The following USP37 variants were observed in gnomAD, a reference collection of about 807,000 sequenced individuals.
USP37 encodes ubiquitin specific peptidase 37, also known as ubiquitin carboxyl-terminal hydrolase 37.
Under a neutral mutation model 124.0 loss-of-function variants are expected in USP37, and 27 were observed. The observed-to-expected ratio is 0.22, with a 90% CI of 0.16 to 0.30. The LOEUF (loss-of-function observed/expected upper bound fraction) is 0.30. USP37 is among the 10% of genes least tolerant of loss of function. The pLI is 1.00. For missense variants in USP37, 889 were observed against 1,140.4 expected (o/e 0.78, Z 3.17); for synonymous variants, 365 against 388.0 (o/e 0.94, Z 0.70).
chr2:218,554,639 C>A (rs548727148), intron 4 of USP37, among the ~76,000 whole-genome samples: 42 of 151,182 alleles, frequency 2.8e-4, no homozygotes, highest in Non-Finnish European at 4.6e-4. Flanking sequence ...CCCAACTACT[C>A]GGGAGGCTGA....
chr2:218,457,852 C>G (rs1689774391), intron 23 of USP37, among the ~76,000 whole-genome samples: 1 of 151,578 alleles, frequency 6.6e-6, no homozygotes, highest in Non-Finnish European at 1.5e-5. Context: ...TTGAGACCAT[C>G]CTGCCTAACA....
At chr2:218,525,754 G>A (rs1418173321) in intron 10 of USP37, among the ~76,000 whole-genome samples, 2 of 152,030 alleles carry the variant, frequency 1.3e-5, no homozygotes, top group South Asian at 4.1e-4. Flanking sequence ...AGGTAAACTC[G>A]TGGCATGGGG....
intron 14 of USP37, among the ~76,000 whole-genome samples, chr2:218,495,550 G>A (rs186687840): frequency 1.3e-5 from 2 of 152,330 alleles, no homozygotes; most frequent in East Asian, 3.9e-4. Flanking sequence ...TCATTACTCG[G>A]GAGGCTGAGG....
intron 21 of USP37, among the ~76,000 whole-genome samples, chr2:218,464,542 T>C (rs983779300): frequency 2.6e-5 from 4 of 152,146 alleles, no homozygotes; most frequent in Admixed American, 2.6e-4. Flanking sequence ...CCAGCTTAGA[T>C]TTCTTAATCT....
intron 4 of USP37, among the ~76,000 whole-genome samples, chr2:218,556,515 T>TG (rs1421258282): frequency 7.5e-6 from 1 of 133,750 alleles, no homozygotes; most frequent in Non-Finnish European, 1.6e-5. Context: ...TTTTTTTTTT[T>TG]TTTTTTTTTT....
chr2:218,496,797 C>G (rs13403595), intron 13 of USP37, among the ~76,000 whole-genome samples: 1 of 151,744 alleles, frequency 6.6e-6, no homozygotes, highest in Non-Finnish European at 1.5e-5. Flanking sequence ...TACAGACATG[C>G]GACATCACGC....
At chr2:218,525,833 C>T (rs1434559912) in intron 10 of USP37, among the ~76,000 whole-genome samples, 1 of 152,084 alleles carries the variant, frequency 6.6e-6, no homozygotes, top group East Asian at 1.9e-4. Flanking sequence ...TTCCCCAATC[C>T]TCTCCCTCCT....
intron 11 of USP37, among the ~76,000 whole-genome samples, chr2:218,502,879 T>C (rs950089787): frequency 1.3e-5 from 2 of 152,132 alleles, no homozygotes; most frequent in African/African-American, 2.4e-5. Context: ...AGAAAAAATT[T>C]TGAATATGCA....
chr2:218,482,736 A>C (rs772749519), intron 16 of USP37, among the ~76,000 whole-genome samples: 4 of 152,182 alleles, frequency 2.6e-5, no homozygotes, highest in Non-Finnish European at 5.9e-5. Context: ...AAAGCTAAGG[A>C]GGAAATACAA....
chr2:218,543,529 C>T lies in USP37; in HGVS notation c.680+2692G>A, dbSNP rs573422732. Among the ~76,000 whole-genome samples, 25 of 62,812 alleles carry T rather than the reference C, an allele frequency of 4.0e-4. No homozygotes were observed. The East Asian group carries it at 0.011, about 29-fold the overall frequency. The allele number at this position is 62,812 out of a possible 152,430, so 41.2% of individuals were successfully genotyped here. On this transcript the variant is annotated intron_variant, in intron 8 of 25. Transcript: ENST00000258399. ...AAAAAAAAAAAAAAAAAAAAAAAAA[C>T]AGGACAGGCGTGGTGGCTCATGCCT...
intron 11 of USP37, among the ~76,000 whole-genome samples, chr2:218,505,801 A>G (rs903534730): frequency 2.0e-5 from 3 of 152,072 alleles, no homozygotes; most frequent in African/African-American, 7.2e-5. Context: ...AGAGCTGGAA[A>G]GCTCTTTCAA....
At chr2:218,530,636 A>C (rs534708910) in intron 9 of USP37, among the ~76,000 whole-genome samples, 75 of 152,334 alleles carry the variant, frequency 4.9e-4, no homozygotes, top group Admixed American at 2.8e-3. Context: ...CTTTTAAATA[A>C]AAATCTAGCA....
At chr2:218,477,013 T>C (rs750595882) in intron 18 of USP37, 32 bp from the exon 19 acceptor site, 7 of 1,478,594 alleles carry the variant, frequency 4.7e-6, no homozygotes, top group Non-Finnish European at 5.4e-6. Flanking sequence ...AAAAGCCTGA[T>C]AAACATTTGT....
chr2:218,470,802 C>G (rs1391388782), intron 20 of USP37, among the ~76,000 whole-genome samples: 1 of 152,166 alleles, frequency 6.6e-6, no homozygotes, highest in Non-Finnish European at 1.5e-5. Context: ...CACAAAACAG[C>G]CCAACTGTTA....
rs144122429 is a variant in USP37 at position 218,490,089 on chromosome 2, C to T, written c.1473-1668G>A. On this transcript the variant is annotated intron_variant, in intron 14 of 25. Transcript: ENST00000258399. ...ATGTTTGGCCAGGCACAATGGCTCA[C>T]GCCTGTAATCCCAGCACTTTGGGAG... Among the ~76,000 whole-genome samples the T allele has an allele frequency of 5.4e-4, 82 of 152,252 alleles. No homozygotes were observed. The East Asian group carries it at 0.011, about 21-fold the overall frequency.
In USP37 at chr2:218,544,424, T is replaced by TAGAGAGAGAG. The variant is rs763870747; in HGVS notation, c.680+1796_680+1797insCTCTCTCTCT. On this transcript the variant is annotated intron_variant, in intron 8 of 25. Transcript: ENST00000258399. ...AAAAAAAAATATATATATATATATATATATATAGAGAGAGAGAGAGAGAGA... is the reference window on the plus strand; with the variant it reads ...AAAAAAAAATATATATATATATATATAGAGAGAGAGATATATAGAGAGAGAGAGAGAGAGA... Among the ~76,000 whole-genome samples the TAGAGAGAGAG allele has an allele frequency of 1.2e-3, 69 of 57,176 alleles. No individual in the cohort carries two copies. In the East Asian group the frequency reaches 0.023, roughly 19 times the overall value. The allele number at this position is 57,176 out of a possible 152,430, so 37.5% of individuals were successfully genotyped here.
chr2:218,515,331 A>T (rs1690218226), intron 10 of USP37, among the ~76,000 whole-genome samples: 1 of 152,154 alleles, frequency 6.6e-6, no homozygotes, highest in South Asian at 2.1e-4. Flanking sequence ...ACAGCATCGC[A>T]CTGGTACCAA....
At chr2:218,484,723 AG>A (rs1185769034) in intron 16 of USP37, among the ~76,000 whole-genome samples, 1 of 152,078 alleles carries the variant, frequency 6.6e-6, no homozygotes, top group Non-Finnish European at 1.5e-5. Context: ...ACTAGTCTCT[AG>A]GGGCTAGGTT....
intron 2 of USP37, among the ~76,000 whole-genome samples, chr2:218,561,941 T>G (rs1368916860): frequency 6.6e-6 from 1 of 152,190 alleles, no homozygotes; most frequent in Non-Finnish European, 1.5e-5. Context: ...AGGTCATGTC[T>G]AGAGGATTTT....
Sources: gnomAD v4.1 joint callset for allele counts (sites outside exome capture counted in the v4.1 genomes callset) on GRCh38, gnomAD v4.1.1 for gene constraint, MANE v1.5 for transcripts, NCBI Gene and HGNC (gene_info 2026-07-23, HGNC 2026-07-21) for gene names.